The following SH3BGRL2 variants were observed in gnomAD, a reference collection of about 807,000 sequenced individuals.
SH3BGRL2 encodes SH3 domain-binding glutamic acid-rich-like protein 2.
Under a neutral mutation model 14.8 loss-of-function variants are expected in SH3BGRL2, and 21 were observed. The ratio of observed to expected loss-of-function variants is 1.42; its 90% CI spans 1.01 to 2.05. SH3BGRL2 has a LOEUF of 2.05. Among genes scored for constraint, SH3BGRL2 ranks in the 30% most tolerant of loss-of-function variants. The pLI is 0.00. For synonymous variants in SH3BGRL2, 50 were observed against 47.8 expected (o/e 1.05, Z -0.19); for missense variants, 147 against 130.8 (o/e 1.12, Z -0.61).
the SH3BGRL2 span, among the ~76,000 whole-genome samples, chr6:79,576,035 T>C: frequency 2.8e-4 from 42 of 152,288 alleles, no homozygotes; most frequent in African/African-American, 9.6e-4. Context: ...AAAACATTGC[T>C]ATGTAACTAG....
chr6:79,546,469 C>T, the SH3BGRL2 span, among the ~76,000 whole-genome samples: 1 of 152,086 alleles, frequency 6.6e-6, no homozygotes, highest in South Asian at 2.1e-4. Context: ...GCAACCATCA[C>T]CCTAGGAAAC....
At chr6:79,579,297 A>C in the SH3BGRL2 span, among the ~76,000 whole-genome samples, 1 of 152,188 alleles carries the variant, frequency 6.6e-6, no homozygotes, top group Non-Finnish European at 1.5e-5. Context: ...AAATACAGAG[A>C]ACACCACAAA....
At position 79,673,726 on chromosome 6, in the gene SH3BGRL2, T is replaced by TC. The variant is rs1200713575; in HGVS notation, c.164dup (p.Glu56GlyfsTer16). On this transcript the variant is annotated frameshift_variant, in exon 2 of 4. Transcript: ENST00000369838. LOFTEE classifies it high-confidence loss of function. ...CAGAGGCAATGGATGTACAAAAACG[T>TC]CCCCCCGGAAAAGAAACCCACTCAG... 3 of 1,613,464 alleles carry TC rather than the reference T, an allele frequency of 1.9e-6. No individual in the cohort carries two copies. Among genetic ancestry groups the TC allele is most frequent in the South Asian group, 1.1e-5 (1 of 91,020 alleles).
At chr6:79,570,927 A>G in the SH3BGRL2 span, among the ~76,000 whole-genome samples, 156 of 152,342 alleles carry the variant, frequency 1.0e-3, no homozygotes, top group African/African-American at 3.6e-3. Flanking sequence ...AATTATAGAA[A>G]AGGGCCCTAG....
At chr6:79,674,542 A>G (rs1444123355) in intron 2 of SH3BGRL2, among the ~76,000 whole-genome samples, 15 of 152,176 alleles carry the variant, frequency 9.9e-5, no homozygotes. Flanking sequence ...TTGGACCTGT[A>G]CTATAGTTAT....
the SH3BGRL2 span, among the ~76,000 whole-genome samples, chr6:79,577,956 C>A: frequency 6.6e-6 from 1 of 152,242 alleles, no homozygotes; most frequent in Non-Finnish European, 1.5e-5. Context: ...AACCGGCAGA[C>A]AAGGTGATTC....
chr6:79,667,424 G>T (rs1291753747), intron 1 of SH3BGRL2, among the ~76,000 whole-genome samples: 3 of 147,088 alleles, frequency 2.0e-5, no homozygotes, highest in Admixed American at 7.0e-5. Context: ...CTCAAAATAT[G>T]TAAGGAGGTA....
intron 1 of SH3BGRL2, among the ~76,000 whole-genome samples, chr6:79,671,577 A>G (rs1769773988): frequency 6.6e-6 from 1 of 152,166 alleles, no homozygotes; most frequent in Non-Finnish European, 1.5e-5. Context: ...ATTTCAGAAG[A>G]GTTGAAATGT....
intron 2 of SH3BGRL2, among the ~76,000 whole-genome samples, chr6:79,675,761 TA>T (rs1404412022): frequency 5.9e-5 from 9 of 152,332 alleles, no homozygotes; most frequent in African/African-American, 2.2e-4. Context: ...GTATTTCTAC[TA>T]AATGAATACA....
chr6:79,692,614 C>A (rs1294177610), intron 2 of SH3BGRL2, among the ~76,000 whole-genome samples: 18 of 151,732 alleles, frequency 1.2e-4, no homozygotes, highest in Admixed American at 8.5e-4. Context: ...TAAATAGAGA[C>A]TCCTTTCCCC....
intron 1 of SH3BGRL2, among the ~76,000 whole-genome samples, chr6:79,651,138 G>A (rs192616386): frequency 3.1e-4 from 47 of 152,124 alleles, no homozygotes; most frequent in African/African-American, 1.0e-3. Context: ...TGGCATCTAC[G>A]CACATTGATA....
intron 1 of SH3BGRL2, among the ~76,000 whole-genome samples, chr6:79,643,572 A>G (rs1252890567): frequency 2.0e-5 from 3 of 152,212 alleles, no homozygotes; most frequent in Non-Finnish European, 4.4e-5. Context: ...ATTTCGTGAT[A>G]ATAATAATGA....
the SH3BGRL2 span, among the ~76,000 whole-genome samples, chr6:79,621,341 T>G: frequency 6.6e-6 from 1 of 152,150 alleles, no homozygotes; most frequent in African/African-American, 2.4e-5. Context: ...GTCATGAAGG[T>G]ATAGCTCTCA....
intron 3 of SH3BGRL2, 100 bp downstream of exon 3, chr6:79,696,665 C>G (rs983545379): frequency 3.8e-5 from 32 of 849,160 alleles, no homozygotes; most frequent in Non-Finnish European, 4.9e-5. Flanking sequence ...TATATAATTT[C>G]TTAGATTTGG....
chr6:79,578,784 C>G, the SH3BGRL2 span, among the ~76,000 whole-genome samples: 2 of 152,172 alleles, frequency 1.3e-5, no homozygotes, highest in African/African-American at 4.8e-5. Flanking sequence ...CAGAACAAAG[C>G]TGGACAGAGA....
At chr6:79,698,732 T>C (rs2127740517) in intron 3 of SH3BGRL2, among the ~76,000 whole-genome samples, 1 of 150,310 alleles carries the variant, frequency 6.7e-6, no homozygotes, top group East Asian at 2.0e-4. Flanking sequence ...TTAGATGGTA[T>C]GGAATCCCTG....
chr6:79,595,632 A>G, the SH3BGRL2 span, among the ~76,000 whole-genome samples: 1 of 152,222 alleles, frequency 6.6e-6, no homozygotes, highest in African/African-American at 2.4e-5. Flanking sequence ...AACACCCTTT[A>G]TGATAAAAAC....
chr6:79,608,488 C>T, the SH3BGRL2 span, among the ~76,000 whole-genome samples: 1 of 152,254 alleles, frequency 6.6e-6, no homozygotes, highest in African/African-American at 2.4e-5. Flanking sequence ...AGACAAGAAA[C>T]GTGTTTAACT....
At chr6:79,622,898 G>A in the SH3BGRL2 span, among the ~76,000 whole-genome samples, 1 of 152,304 alleles carries the variant, frequency 6.6e-6, no homozygotes, top group Non-Finnish European at 1.5e-5. Flanking sequence ...ACTGAATTGA[G>A]CAGAATGGTC....
Sources: allele counts gnomAD v4.1 joint callset (sites outside exome capture counted in the v4.1 genomes callset), GRCh38; gene constraint gnomAD v4.1.1; transcripts MANE v1.5; gene names NCBI Gene and HGNC (gene_info 2026-07-23, HGNC 2026-07-21).